Variants in PPP2R5C observed in about 807,000 individuals in gnomAD.
PPP2R5C encodes protein phosphatase 2 regulatory subunit B'gamma.
Under a neutral mutation model 68.9 loss-of-function variants are expected in PPP2R5C, and 7 were observed. The ratio of observed to expected loss-of-function variants is 0.10; its 90% CI spans 0.06 to 0.19. The LOEUF is 0.19. Among genes scored for constraint, PPP2R5C ranks in the 10% least tolerant of loss-of-function variants. The probability of loss-of-function intolerance (pLI) is 1.00; values close to 1 mark genes in which losing one functional copy is unlikely to be tolerated. For missense variants in PPP2R5C, 348 were observed against 641.3 expected (o/e 0.54, Z 4.94); for synonymous variants, 210 against 222.2 (o/e 0.95, Z 0.49).
chr14:101,918,405 C>CCCCCTTGCCCCCTCA (rs2046806600), intron 13 of PPP2R5C, among the ~76,000 whole-genome samples: 2 of 118,238 alleles, frequency 1.7e-5, no homozygotes, highest in Non-Finnish European at 3.6e-5. Flanking sequence ...CTTGCCCCTC[C>CCCCCTTGCCCCCTCA]CCCCTTGCCC....
intron 1 of PPP2R5C, among the ~76,000 whole-genome samples, chr14:101,762,150 G>A (rs909529862): frequency 1.3e-5 from 2 of 151,726 alleles, no homozygotes; most frequent in African/African-American, 4.8e-5. Context: ...GCGCAGGCCC[G>A]GGCCGCTGGG....
intron 1 of PPP2R5C, chr14:101,819,874 T>G (rs2039943981): frequency 6.6e-6 from 1 of 152,274 alleles, no homozygotes; most frequent in Non-Finnish European, 1.5e-5. Flanking sequence ...TCCTCCTGCT[T>G]TGGCCTCCCA....
chr14:101,803,076 G>C (rs2038936585), intron 3 of PPP2R5C, among the ~76,000 whole-genome samples: 1 of 151,920 alleles, frequency 6.6e-6, no homozygotes. Flanking sequence ...CTAGCTGGTT[G>C]CATGTGCCTG....
chr14:101,881,848 T>TG (rs2044190645), intron 2 of PPP2R5C, among the ~76,000 whole-genome samples: 32 of 152,340 alleles, frequency 2.1e-4, no homozygotes, highest in Admixed American at 2.1e-3. Context: ...CACTGGATAG[T>TG]ATAAGACCTC....
At chr14:101,919,533 A>G (rs780203177) in intron 13 of PPP2R5C, among the ~76,000 whole-genome samples, 7 of 152,144 alleles carry the variant, frequency 4.6e-5, no homozygotes, top group Non-Finnish European at 7.3e-5. Flanking sequence ...TGTGGCTTCA[A>G]ATTTGCTCAA....
chr14:101,882,042 C>A lies in PPP2R5C; in HGVS notation c.295-119C>A. Reference sequence around the variant, plus strand: ...ACACAGCTTCTGCGTTTTGAGGATACGGAGGAGCTAAGTTACCATGGGAAG... The same window carrying A: ...ACACAGCTTCTGCGTTTTGAGGATAAGGAGGAGCTAAGTTACCATGGGAAG... On this transcript the variant is annotated intron_variant, in intron 2 of 13. Coordinates refer to ENST00000334743, the Ensembl canonical transcript of PPP2R5C. The surrounding 1 kb of genome is among the most constrained non-coding windows in gnomAD (Gnocchi z 4.9). The A allele has an allele frequency of 1.3e-6, 1 of 752,028 alleles. No homozygotes were observed. Among genetic ancestry groups the A allele is most frequent in the Non-Finnish European group, 2.1e-6 (1 of 487,466 alleles). The allele number at this position is 752,028 out of a possible 1,614,324, so 46.6% of individuals were successfully genotyped here. A position where few individuals can be genotyped will look rare whatever the true frequency, so the allele number is the denominator to read the frequency against.
chr14:101,859,084 G>A (rs2042606788), intron 2 of PPP2R5C, among the ~76,000 whole-genome samples: 1 of 152,182 alleles, frequency 6.6e-6, no homozygotes, highest in Admixed American at 6.5e-5. Flanking sequence ...CAGCCCCTGG[G>A]CTCCCTAAGC....
Position 101,861,961 on chromosome 14 carries a change from G to A in PPP2R5C, c.294+5076G>A, listed in dbSNP as rs527568245. 6.6e-5 allele frequency among the ~76,000 whole-genome samples: 10 copies of A among 152,244 alleles called. No homozygotes were observed. The East Asian group carries it at 7.7e-4, about 12-fold the overall frequency. The stretch of plus-strand genomic sequence containing the variant: ...TGCCGTCTTGCTCTGTTGCCCAGGC[G>A]GAGTGCAGTGGCACAGTCATAGCCC... On this transcript the variant is annotated intron_variant, in intron 2 of 13. Transcript: ENST00000334743.
intron 3 of PPP2R5C, among the ~76,000 whole-genome samples, chr14:101,802,190 G>A (rs550803415): frequency 5.9e-5 from 9 of 152,248 alleles, no homozygotes; most frequent in South Asian, 4.1e-4. Context: ...TGAGACGGGC[G>A]GATCACAAGG....
chr14:101,761,990 G>A lies in PPP2R5C; in HGVS notation c.27+70G>A, dbSNP rs1173331935. The stretch of plus-strand genomic sequence containing the variant: ...TGCCGGGGGAGGGCGCGACGGCACC[G>A]GGGTCCTGCGCCCGGGCCCCGGCTC... On this transcript the variant is annotated intron_variant, in intron 1 of 14. Coordinates refer to the PPP2R5C transcript ENST00000328724. The A allele has an allele frequency of 8.6e-6, 10 of 1,163,128 alleles. No individual in the cohort carries two copies. The Admixed American group carries it at 1.4e-4, about 17-fold the overall frequency. The allele number at this position is 1,163,128 out of a possible 1,614,324, so 72.1% of individuals were successfully genotyped here. A position where few individuals can be genotyped will look rare whatever the true frequency, so the allele number is the denominator to read the frequency against.
At chr14:101,810,825 C>T (rs369848773) in intron 1 of PPP2R5C, among the ~76,000 whole-genome samples, 1 of 152,088 alleles carries the variant, frequency 6.6e-6, no homozygotes. Flanking sequence ...TAATTAATAG[C>T]GGTTATATTG....
upstream of PPP2R5C, among the ~76,000 whole-genome samples, chr14:101,761,533 G>A (rs562489833): frequency 6.8e-6 from 1 of 146,876 alleles, no homozygotes; most frequent in South Asian, 2.2e-4. Context: ...ACGTGGGGGC[G>A]CGTCGACCAA....
At chr14:101,880,731 A>G (rs2044113701) in intron 2 of PPP2R5C, among the ~76,000 whole-genome samples, 1 of 152,118 alleles carries the variant, frequency 6.6e-6, no homozygotes, top group South Asian at 2.1e-4. Flanking sequence ...CAGGAGTTGG[A>G]GGCTGCAGTG....
At chr14:101,909,120 A>C (rs1361878745) in intron 10 of PPP2R5C, among the ~76,000 whole-genome samples, 1 of 152,206 alleles carries the variant, frequency 6.6e-6, no homozygotes, top group East Asian at 1.9e-4. Flanking sequence ...CTGAGAGCTA[A>C]GCATTGATTA....
intron 11 of PPP2R5C, 135 bp from the exon 14 acceptor site, chr14:101,912,266 A>T: frequency 1.7e-6 from 1 of 586,648 alleles, no homozygotes; most frequent in Non-Finnish European, 2.9e-6. Flanking sequence ...CTCAGCACGT[A>T]AGTGTGGGGA....
intron 13 of PPP2R5C, among the ~76,000 whole-genome samples, chr14:101,919,975 A>AC (rs1183286543): frequency 6.7e-6 from 1 of 148,660 alleles, no homozygotes; most frequent in African/African-American, 2.6e-5. Context: ...GTCTCAAAAA[A>AC]AAAAAAAAAA....
Position 101,891,479 on chromosome 14 carries a change from G to T in PPP2R5C, c.689+1183G>T, listed in dbSNP as rs1042741323. 6.6e-6 allele frequency among the ~76,000 whole-genome samples: 1 copy of T among 152,228 alleles called. No individual in the cohort carries two copies. Among genetic ancestry groups the T allele is most frequent in the African/African-American group, 2.4e-5 (1 of 41,446 alleles). Reference sequence around the variant, plus strand: ...GAAGAGGATGCCTCTCTTACTAGATGTGTGACCATGGGCAGGTACTTCTGT... The same window carrying T: ...GAAGAGGATGCCTCTCTTACTAGATTTGTGACCATGGGCAGGTACTTCTGT... On this transcript the variant is annotated intron_variant, in intron 6 of 13. Coordinates refer to ENST00000334743, the Ensembl canonical transcript of PPP2R5C. The surrounding 1 kb of genome is among the most constrained non-coding windows in gnomAD (Gnocchi z 4.9).
chr14:101,864,935 G>A (rs2042966847), intron 2 of PPP2R5C, among the ~76,000 whole-genome samples: 1 of 152,192 alleles, frequency 6.6e-6, no homozygotes, highest in Admixed American at 6.5e-5. Context: ...ATCTGCTGCG[G>A]CATTTCAGGA....
At chr14:101,819,892 G>A (rs2039944941) in intron 1 of PPP2R5C, 1 of 152,256 alleles carries the variant, frequency 6.6e-6, no homozygotes, top group Admixed American at 6.5e-5. Context: ...CCAGAGTGCT[G>A]GGATTAGAGG....
Sources: allele counts gnomAD v4.1 joint callset (sites outside exome capture counted in the v4.1 genomes callset), GRCh38; gene constraint gnomAD v4.1.1; non-coding constraint Gnocchi (gnomAD v3.1); transcripts MANE v1.5; gene names NCBI Gene and HGNC (gene_info 2026-07-23, HGNC 2026-07-21).